The following MOV10L1 variants were observed in gnomAD, a reference collection of about 807,000 sequenced individuals.
The protein encoded by MOV10L1 is Mov10 like RNA helicase 1, also known as RNA helicase Mov10l1.
MOV10L1 carries 110 observed loss-of-function variants against 143.8 expected under a neutral mutation model. The observed-to-expected ratio is 0.76, with a 90% CI of 0.66 to 0.90. The LOEUF (loss-of-function observed/expected upper bound fraction) is 0.90, where lower values mean the gene tolerates loss of function less well. Ranked by LOEUF, MOV10L1 falls within the 40% of genes least tolerant of loss-of-function variation. The probability of loss-of-function intolerance (pLI) is 0.00; values close to 1 mark genes in which losing one functional copy is unlikely to be tolerated. For missense variants in MOV10L1, 1,406 were observed against 1,526.8 expected (o/e 0.92, Z 1.32); for synonymous variants, 593 against 581.1 (o/e 1.02, Z -0.29).
chr22:50,110,612 A>G (rs2061998334), intron 5 of MOV10L1, among the ~76,000 whole-genome samples: 1 of 152,142 alleles, frequency 6.6e-6, no homozygotes, highest in Admixed American at 6.5e-5. Flanking sequence ...TAAAAAATGC[A>G]TTGGATGTAG....
At chr22:50,153,369 G>GC in intron 22 of MOV10L1, 151 bp downstream of exon 22, 2 of 969,584 alleles carry the variant, frequency 2.1e-6, no homozygotes, top group Non-Finnish European at 1.5e-6. Context: ...GGGGGCTTGT[G>GC]CCCCCCAAGA....
rs759420849 is a variant in MOV10L1 at position 50,144,216 on chromosome 22, G to A, written c.2478G>A (p.Arg826=). 6.2e-7 allele frequency: 1 copy of A among 1,608,740 alleles called. No homozygotes were observed. The highest frequency in any genetic ancestry group is 1.1e-5 in the South Asian group (1 of 90,994). ...SKVLQPATMV[R]VNATCRFEEI... ...TGCTACAGCCGGCCACCATGGTCCG[G>A]GTGAACGCCACCTGCAGGTTCGAGG... The change falls in exon 18 of 27, where the codon CGG becomes CGA. Residue 826 remains arginine, a synonymous_variant. Transcript: ENST00000262794.
intron 15 of MOV10L1, among the ~76,000 whole-genome samples, chr22:50,140,876 C>A (rs2062964956): frequency 6.6e-6 from 1 of 152,114 alleles, no homozygotes; most frequent in Non-Finnish European, 1.5e-5. Context: ...GTGTGAACCA[C>A]TACCCCTGGC....
At chr22:50,096,588 C>A (rs957791121) in intron 2 of MOV10L1, among the ~76,000 whole-genome samples, 3 of 152,226 alleles carry the variant, frequency 2.0e-5, no homozygotes, top group African/African-American at 4.8e-5. Context: ...TATGTTCCCA[C>A]CAACAGTGCA....
chr22:50,103,559 TG>T (rs1221563937), intron 3 of MOV10L1, among the ~76,000 whole-genome samples: 1 of 152,110 alleles, frequency 6.6e-6, no homozygotes, highest in Admixed American at 6.5e-5. Flanking sequence ...TGCCATCAAA[TG>T]GCCCCTGAGG....
chr22:50,106,724 C>T (rs1441088908), intron 3 of MOV10L1, among the ~76,000 whole-genome samples: 25 of 122,956 alleles, frequency 2.0e-4, no homozygotes, highest in Non-Finnish European at 3.2e-4. Flanking sequence ...TTTTTTGAGA[C>T]GGAATCTCGC....
chr22:50,157,760 TC>T (rs2063462358), intron 22 of MOV10L1, among the ~76,000 whole-genome samples: 1 of 63,046 alleles, frequency 1.6e-5, no homozygotes, highest in African/African-American at 4.6e-5. Flanking sequence ...AGGTCTAATA[TC>T]AAAAAAAAAA....
chr22:50,100,988 A>G (rs561048086), intron 3 of MOV10L1, among the ~76,000 whole-genome samples: 36 of 152,192 alleles, frequency 2.4e-4, no homozygotes, highest in Non-Finnish European at 4.1e-4. Context: ...CTTCTTTCCC[A>G]GGAGAAACAG....
At chr22:50,120,985 C>G (rs181543190) in intron 10 of MOV10L1, among the ~76,000 whole-genome samples, 110 of 152,334 alleles carry the variant, frequency 7.2e-4, no homozygotes, top group African/African-American at 2.4e-3. Flanking sequence ...CCTGACAGAG[C>G]CAGCAGGGCA....
chr22:50,095,370 C>T (rs1442334364), intron 2 of MOV10L1: 1 of 152,212 alleles, frequency 6.6e-6, no homozygotes, highest in African/African-American at 2.4e-5. Flanking sequence ...CTCATTCACA[C>T]TACCCTCTTT....
chr22:50,154,488 A>G (rs1414178110), intron 22 of MOV10L1, among the ~76,000 whole-genome samples: 2 of 151,918 alleles, frequency 1.3e-5, no homozygotes, highest in Non-Finnish European at 2.9e-5. Flanking sequence ...GGATTGCTTG[A>G]GCCCAGGAGA....
intron 15 of MOV10L1, 36 bp from the exon 16 acceptor site, chr22:50,142,045 T>G (rs769669015): frequency 2.5e-6 from 4 of 1,588,210 alleles, no homozygotes; most frequent in Non-Finnish European, 2.6e-6. Context: ...AACACAGCTG[T>G]TTTTTTAAAA....
At chr22:50,114,311 G>A (rs1407896693) in intron 6 of MOV10L1, 70 bp from the exon 7 acceptor site, 4 of 1,555,584 alleles carry the variant, frequency 2.6e-6, no homozygotes, top group Non-Finnish European at 3.5e-6. Flanking sequence ...TAGGTTTTGT[G>A]TTTTATGATA....
At chr22:50,094,624 C>T (rs2062541572) in intron 2 of MOV10L1, 1 of 152,200 alleles carries the variant, frequency 6.6e-6, no homozygotes, top group African/African-American at 2.4e-5. Context: ...TGGTCTCGAT[C>T]TCCTGACCTC....
chr22:50,140,783 C>T (rs1039166020), intron 15 of MOV10L1, among the ~76,000 whole-genome samples: 6 of 151,224 alleles, frequency 4.0e-5, no homozygotes, highest in Non-Finnish European at 7.4e-5. Context: ...AGTGTAGTGT[C>T]GCAATCATGG....
intron 10 of MOV10L1, among the ~76,000 whole-genome samples, chr22:50,124,975 G>C (rs1388426079): frequency 6.6e-6 from 1 of 152,202 alleles, no homozygotes; most frequent in Admixed American, 6.5e-5. Flanking sequence ...GTCTCTTTAA[G>C]TTTTTTTCAG....
chr22:50,146,376 G>A (rs1470557882), intron 19 of MOV10L1, among the ~76,000 whole-genome samples: 1 of 152,092 alleles, frequency 6.6e-6, no homozygotes, highest in East Asian at 1.9e-4. Flanking sequence ...GGTGCCGGCT[G>A]TCATAGGAGG....
intron 10 of MOV10L1, 51 bp downstream of exon 10, chr22:50,120,667 G>C (rs1222717053): frequency 2.3e-6 from 3 of 1,306,314 alleles, no homozygotes; most frequent in East Asian, 4.7e-5. Context: ...TAATGCTCTT[G>C]TTTTCTGACA....
At chr22:50,125,730 G>A (rs1233132687) in intron 11 of MOV10L1, among the ~76,000 whole-genome samples, 161 bp downstream of exon 11, 2 of 152,030 alleles carry the variant, frequency 1.3e-5, no homozygotes, top group East Asian at 3.9e-4. Flanking sequence ...CATCAAGCAT[G>A]TTTCTTTGTT....
Sources: gnomAD v4.1 joint callset for allele counts (sites outside exome capture counted in the v4.1 genomes callset) on GRCh38, gnomAD v4.1.1 for gene constraint, MANE v1.5 for transcripts, NCBI Gene and HGNC (gene_info 2026-07-23, HGNC 2026-07-21) for gene names.